The following NSUN4 variants were observed in gnomAD, a reference collection of about 807,000 sequenced individuals.
The protein encoded by NSUN4 is NOP2/Sun RNA methyltransferase 4, also known as 5-cytosine rRNA methyltransferase NSUN4.
NSUN4 carries 31 observed loss-of-function variants against 43.8 expected under a neutral mutation model. That is an observed-to-expected ratio of 0.71 (90% confidence interval 0.53 to 0.96). The LOEUF is 0.96. Among genes scored for constraint, NSUN4 ranks in the 40% least tolerant of loss-of-function variants. NSUN4 has a pLI of 0.00. For missense variants in NSUN4, 439 were observed against 475.6 expected, an observed-to-expected ratio of 0.92 and a Z score of 0.72; for synonymous variants, 167 against 184.1, an observed-to-expected ratio of 0.91 and a Z score of 0.75.
At chr1:46,352,742 A>T (rs1663091849) in intron 3 of NSUN4, 126 bp from the exon 4 acceptor site, 2 of 880,932 alleles carry the variant, frequency 2.3e-6, no homozygotes. Flanking sequence ...TGCACATAAT[A>T]AATGTTCCTG....
Position 46,360,210 on chromosome 1 carries a change from C to A in NSUN4, c.754-494C>A, listed in dbSNP as rs1663729394. On this transcript the variant is annotated intron_variant, in intron 4 of 5. Transcript: ENST00000474844. Reference sequence around the variant, plus strand: ...CGCCACTGCACTCCAGCCTGGGCGACAGAGCAAGACTCCATCTCAAAAAAA... The same window carrying A: ...CGCCACTGCACTCCAGCCTGGGCGAAAGAGCAAGACTCCATCTCAAAAAAA... Among the ~76,000 whole-genome samples the A allele has an allele frequency of 3.9e-5, 4 of 101,568 alleles. No individual in the cohort carries two copies. In the South Asian group the frequency reaches 1.2e-3, roughly 29 times the overall value. 66.6% of individuals were successfully genotyped at this position (101,568 alleles called of 152,430 possible).
intron 3 of NSUN4, 90 bp downstream of exon 3, chr1:46,347,165 C>A: frequency 7.4e-7 from 1 of 1,345,568 alleles, no homozygotes; most frequent in Non-Finnish European, 1.0e-6. Flanking sequence ...CGGCCAGGCG[C>A]AGTGGCTCCC....
intron 4 of NSUN4, among the ~76,000 whole-genome samples, chr1:46,355,737 G>A (rs976053318): frequency 3.9e-5 from 6 of 152,110 alleles, no homozygotes; most frequent in Non-Finnish European, 7.3e-5. Flanking sequence ...AGTTGTGGCC[G>A]GGCACGGTGG....
the NSUN4 span, among the ~76,000 whole-genome samples, chr1:46,372,422 C>T: frequency 4.6e-5 from 7 of 152,006 alleles, no homozygotes; most frequent in African/African-American, 1.2e-4. Context: ...GGGTTACAGG[C>T]GTGAGCCACT....
At chr1:46,370,825 G>T in the NSUN4 span, 3 of 152,362 alleles carry the variant, frequency 2.0e-5, no homozygotes, top group Admixed American at 6.6e-5. Flanking sequence ...GTCTCTTAGA[G>T]AACCATATAG....
chr1:46,376,729 TGTGTG>T, the NSUN4 span, among the ~76,000 whole-genome samples: 3 of 152,070 alleles, frequency 2.0e-5, no homozygotes, highest in Non-Finnish European at 4.4e-5. Flanking sequence ...TGTGTGTGTG[TGTGTG>T]TGTGTGTGTG....
chr1:46,371,472 A>T, the NSUN4 span, among the ~76,000 whole-genome samples: 1 of 151,808 alleles, frequency 6.6e-6, no homozygotes, highest in Admixed American at 6.6e-5. Context: ...CGCCTGGCTA[A>T]TTTTTTTGTA....
chr1:46,376,203 T>C, the NSUN4 span, among the ~76,000 whole-genome samples: 2 of 149,594 alleles, frequency 1.3e-5, no homozygotes, highest in African/African-American at 5.0e-5. Flanking sequence ...AGGTCAGGAG[T>C]TTGAGATCAG....
rs1662420246 is a variant in NSUN4 at position 46,345,437 on chromosome 1, TA to T, written c.437+295del. On this transcript the variant is annotated intron_variant, in intron 2 of 5. Coordinates refer to ENST00000474844, the MANE Select transcript of NSUN4 (RefSeq NM_199044.4). ...TCCCTCAGATGGTAAGTGGTGTGAC[TA>T]ATATTTAGACCCAGAACCTGCACTT... The T allele has an allele frequency of 8.3e-5, 27 of 326,266 alleles. 2 individuals are homozygous for T. In the Middle Eastern group the frequency reaches 7.4e-3, roughly 90 times the overall value. The allele number at this position is 326,266 out of a possible 1,614,324, so 20.2% of individuals were successfully genotyped here. A position where few individuals can be genotyped will look rare whatever the true frequency, so the allele number is the denominator to read the frequency against.
chr1:46,383,269 A>T, the NSUN4 span, among the ~76,000 whole-genome samples: 1 of 151,618 alleles, frequency 6.6e-6, no homozygotes, highest in Non-Finnish European at 1.5e-5. Context: ...CGCCCCAGAG[A>T]CTCTTCCAGT....
downstream of NSUN4, among the ~76,000 whole-genome samples, chr1:46,368,324 G>T (rs1035305000): frequency 1.3e-5 from 2 of 152,144 alleles, no homozygotes; most frequent in African/African-American, 4.8e-5. Flanking sequence ...CTGTCATTAA[G>T]AGATGGAGTC....
At chr1:46,367,808 A>G (rs564823535), downstream of NSUN4, among the ~76,000 whole-genome samples, 7 of 143,074 alleles carry the variant, frequency 4.9e-5, no homozygotes, top group African/African-American at 1.8e-4. Context: ...GGCTCTCACC[A>G]GGGTGGAGTG....
chr1:46,353,927 G>A lies in NSUN4; in HGVS notation c.753+899G>A, dbSNP rs184759610. Among the ~76,000 whole-genome samples the A allele has an allele frequency of 2.3e-4, 35 of 152,024 alleles. No individual in the cohort carries two copies. In the East Asian group the frequency reaches 5.4e-3, roughly 23 times the overall value. On this transcript the variant is annotated intron_variant, in intron 4 of 5. Coordinates refer to ENST00000474844, the MANE Select transcript of NSUN4 (RefSeq NM_199044.4). ...TACATCCATTTAAGATTTTGATAGCGATTGCTAAATTTCTCTGTGGAGGTT... is the reference window on the plus strand; with the variant it reads ...TACATCCATTTAAGATTTTGATAGCAATTGCTAAATTTCTCTGTGGAGGTT...
At chr1:46,349,331 A>G (rs5013327) in intron 3 of NSUN4, among the ~76,000 whole-genome samples, 34,313 of 149,944 alleles carry the variant, frequency 0.23, 4,295 homozygotes, top group Non-Finnish European at 0.29. Context: ...TAGTAGAGAT[A>G]GGGTTTCACC....
In NSUN4 at chr1:46,347,867, T is replaced by C. The variant is rs563194027; in HGVS notation, c.592+792T>C. Among the ~76,000 whole-genome samples the C allele has an allele frequency of 6.6e-5, 10 of 151,522 alleles. 1 individual carries two copies. The East Asian group carries it at 7.8e-4, about 12-fold the overall frequency. On this transcript the variant is annotated intron_variant, in intron 3 of 5. Coordinates refer to ENST00000474844, the MANE Select transcript of NSUN4 (RefSeq NM_199044.4). ...CAAATCCTTTTGACTTTCTTTTTTT[T>C]TTTCTTTCTTTTTTTTTCTCTTTTT...
chr1:46,358,398 A>ATTTTTTTTT (rs34719174), intron 4 of NSUN4, among the ~76,000 whole-genome samples: 3 of 95,456 alleles, frequency 3.1e-5, no homozygotes, highest in Non-Finnish European at 4.0e-5. Flanking sequence ...TCCTGGCCTA[A>ATTTTTTTTT]TTTTTTTTTT....
chr1:46,354,833 C>A (rs533535317), intron 4 of NSUN4, among the ~76,000 whole-genome samples: 1 of 137,230 alleles, frequency 7.3e-6, no homozygotes, highest in South Asian at 2.2e-4. Flanking sequence ...CCACGCCTGA[C>A]TAATTTTGTA....
chr1:46,357,364 G>A (rs1421578578), intron 4 of NSUN4, among the ~76,000 whole-genome samples: 4 of 152,124 alleles, frequency 2.6e-5, no homozygotes, highest in Non-Finnish European at 5.9e-5. Context: ...GGTATTTTTT[G>A]TGGAGACGGG....
At position 46,352,953 on chromosome 1, in the gene NSUN4, G is replaced by A; in HGVS notation, c.678G>A (p.Arg226=). The change falls in exon 4 of 6, where the codon AGG becomes AGA. Residue 226 remains arginine, a synonymous_variant. Transcript: ENST00000474844. ...ACAGCTATGTGCCTGAAGAGATCAG[G>A]GATGGAAATCAAGTTCGAGTTACCT... ...ILHSYVPEEI[R]DGNQVRVTSW... The A allele has an allele frequency of 6.2e-7, 1 of 1,614,180 alleles. No individual in the cohort carries two copies. The highest frequency in any genetic ancestry group is 8.5e-7 in the Non-Finnish European group (1 of 1,180,006).
Sources: allele counts gnomAD v4.1 joint callset (sites outside exome capture counted in the v4.1 genomes callset), GRCh38; gene constraint gnomAD v4.1.1; transcripts MANE v1.5; gene names NCBI Gene and HGNC (gene_info 2026-07-23, HGNC 2026-07-21).